The following PSD2 variants were observed in gnomAD, a reference collection of about 807,000 sequenced individuals.
PSD2 encodes PH and SEC7 domain-containing protein 2.
Under a neutral mutation model 69.8 loss-of-function variants are expected in PSD2, and 38 were observed. The ratio of observed to expected loss-of-function variants is 0.54; its 90% CI spans 0.42 to 0.71. PSD2 has a LOEUF of 0.71. Among genes scored for constraint, PSD2 ranks in the 30% least tolerant of loss-of-function variants. The pLI is 0.00. For synonymous variants in PSD2, 412 were observed against 423.0 expected (o/e 0.97, Z 0.32); for missense variants, 943 against 1,014.5 (o/e 0.93, Z 0.96).
chr5:139,815,822 T>C (rs549275172), intron 4 of PSD2, among the ~76,000 whole-genome samples: 7 of 152,076 alleles, frequency 4.6e-5, no homozygotes, highest in African/African-American at 1.7e-4. Flanking sequence ...GGGGAAACCC[T>C]GTCTCTAACA....
chr5:139,794,981 G>A (rs992704565), upstream of PSD2, among the ~76,000 whole-genome samples: 1 of 152,128 alleles, frequency 6.6e-6, no homozygotes, highest in South Asian at 2.1e-4. Flanking sequence ...GGGAGACACC[G>A]TGGGACAGGT....
At chr5:139,836,457 G>T (rs1760720255) in intron 9 of PSD2, among the ~76,000 whole-genome samples, 1 of 152,206 alleles carries the variant, frequency 6.6e-6, no homozygotes, top group Non-Finnish European at 1.5e-5. Flanking sequence ...TTGTGCAGCA[G>T]CTTCAGTCTG....
At chr5:139,827,505 G>A (rs767431832) in intron 7 of PSD2, among the ~76,000 whole-genome samples, 1 of 152,226 alleles carries the variant, frequency 6.6e-6, no homozygotes, top group Non-Finnish European at 1.5e-5. Context: ...CTGCAGGGAA[G>A]TGGTTACTGA....
At chr5:139,822,652 C>G (rs569900993) in intron 6 of PSD2, 74 bp from the exon 7 acceptor site, 1 of 1,382,856 alleles carries the variant, frequency 7.2e-7, no homozygotes, top group East Asian at 2.4e-5. Flanking sequence ...GGTCTCCTGA[C>G]GGGTTCCGTC....
At chr5:139,763,532 A>G in the PSD2 span, among the ~76,000 whole-genome samples, 3 of 152,166 alleles carry the variant, frequency 2.0e-5, no homozygotes, top group Admixed American at 6.5e-5. Context: ...GATGATGACC[A>G]TGGCCTGTGC....
At chr5:139,812,795 C>T (rs1290860352) in intron 2 of PSD2, among the ~76,000 whole-genome samples, 1 of 152,188 alleles carries the variant, frequency 6.6e-6, no homozygotes, top group Non-Finnish European at 1.5e-5. Context: ...ATAAGATGTT[C>T]ACACTGCTTT....
At position 139,842,762 on chromosome 5, in the gene PSD2, C is replaced by G. The variant is rs1169490284; in HGVS notation, c.*288C>G. The G allele has an allele frequency of 5.8e-6, 2 of 344,240 alleles. No homozygotes were observed. Among genetic ancestry groups the G allele is most frequent in the Non-Finnish European group, 1.1e-5 (2 of 187,796 alleles). The allele number at this position is 344,240 out of a possible 1,614,324, so 21.3% of individuals were successfully genotyped here. ...TGTGCATGCTCTAGACACCACCTCG[C>G]TGGAGAAGCTGGAAGGGCTGTTGTC... On this transcript the variant is annotated 3_prime_UTR_variant, in exon 15 of 15. Transcript: ENST00000274710.
chr5:139,838,535 C>G, intron 12 of PSD2, 93 bp from the exon 13 acceptor site: 1 of 1,413,314 alleles, frequency 7.1e-7, no homozygotes, highest in South Asian at 1.3e-5. Flanking sequence ...GGTGCCTTCT[C>G]AGTGCCAGGC....
chr5:139,783,096 C>A, the PSD2 span, among the ~76,000 whole-genome samples: 1 of 152,126 alleles, frequency 6.6e-6, no homozygotes, highest in African/African-American at 2.4e-5. Flanking sequence ...TGGAATCACA[C>A]AGCATTTGTC....
At chr5:139,822,306 G>C (rs1386898503) in intron 6 of PSD2, among the ~76,000 whole-genome samples, 1 of 152,228 alleles carries the variant, frequency 6.6e-6, no homozygotes, top group East Asian at 1.9e-4. Flanking sequence ...GCTGGCTGTT[G>C]GTGTGGTGGG....
In PSD2 at chr5:139,814,119, C is replaced by A; in HGVS notation, c.822-51C>A. The stretch of plus-strand genomic sequence containing the variant: ...GAAACCTCCCAGCCTCCTCTGGGGC[C>A]TTTGACCCTGGGCCTCTGACGCTAC... On this transcript the variant is annotated intron_variant, in intron 3 of 14. Transcript: ENST00000274710. This position sits in a 1 kb window ranked among gnomAD's most constrained non-coding sequence, Gnocchi z 4.4. 3 of 1,586,032 alleles carry A rather than the reference C, an allele frequency of 1.9e-6. No homozygotes were observed. The highest frequency in any genetic ancestry group is 2.6e-6 in the Non-Finnish European group (3 of 1,162,808).
the PSD2 span, among the ~76,000 whole-genome samples, chr5:139,745,545 A>G: frequency 1.3e-5 from 2 of 152,232 alleles, no homozygotes; most frequent in African/African-American, 4.8e-5. Context: ...GCAGTGGGGA[A>G]GGCAGGGTGG....
At position 139,821,984 on chromosome 5, in the gene PSD2, C is replaced by G; in HGVS notation, c.1189C>G (p.Pro397Ala). 1.2e-6 allele frequency: 2 copies of G among 1,607,100 alleles called. No individual in the cohort carries two copies. The highest frequency in any genetic ancestry group is 8.5e-7 in the Non-Finnish European group (1 of 1,175,908). Reference sequence around the variant, plus strand: ...CTCCCGCCGGTACTGCCAGTGCAACCCTGATGACAGCACTTCGGAAGGTAT... The same window carrying G: ...CTCCCGCCGGTACTGCCAGTGCAACGCTGATGACAGCACTTCGGAAGGTAT... ...HFSRRYCQCN[P>A]DDSTSEDGIH... is the part of the protein sequence containing the mutation. Residue 397 changes from proline to alanine, a missense_variant, in exon 6 of 15, where the codon CCT (proline) becomes GCT (alanine). This residue lies in a region of PSD2 where 312 missense variants were observed against 400.7 expected (regional missense o/e 0.78). Transcript: ENST00000274710.
intron 7 of PSD2, among the ~76,000 whole-genome samples, chr5:139,823,218 C>T (rs965871294): frequency 6.6e-6 from 1 of 152,190 alleles, no homozygotes; most frequent in Non-Finnish European, 1.5e-5. Context: ...TGGTCCAGGC[C>T]CCAGGCTGTC....
intron 7 of PSD2, among the ~76,000 whole-genome samples, chr5:139,825,436 A>G (rs1031072590): frequency 2.0e-5 from 3 of 152,182 alleles, no homozygotes. Flanking sequence ...GCTGGTTCAT[A>G]TATCTGGTTG....
chr5:139,751,273 TC>T, the PSD2 span, among the ~76,000 whole-genome samples: 1 of 152,222 alleles, frequency 6.6e-6, no homozygotes, highest in South Asian at 2.1e-4. Flanking sequence ...GTGGCCAGTA[TC>T]CTTGGGATGG....
the PSD2 span, among the ~76,000 whole-genome samples, chr5:139,787,103 G>A: frequency 6.6e-6 from 1 of 152,184 alleles, no homozygotes; most frequent in South Asian, 2.1e-4. Context: ...CTTCCCAAGT[G>A]AGAGAGGCTG....
At chr5:139,830,462 C>T (rs749340905) in intron 7 of PSD2, among the ~76,000 whole-genome samples, 8 of 150,806 alleles carry the variant, frequency 5.3e-5, no homozygotes, top group Non-Finnish European at 1.0e-4. Context: ...GCAATCCTCT[C>T]ACCTCAGTCT....
chr5:139,779,041 G>A, the PSD2 span, among the ~76,000 whole-genome samples: 7 of 150,938 alleles, frequency 4.6e-5, no homozygotes, highest in Non-Finnish European at 8.8e-5. Context: ...CCCAAAAGGT[G>A]CGCTGCATTT....
Sources: gnomAD v4.1 joint callset for allele counts (sites outside exome capture counted in the v4.1 genomes callset) on GRCh38, gnomAD v4.1.1 for gene constraint, gnomAD v4.1.1 regional missense constraint, Gnocchi (gnomAD v3.1) non-coding constraint, MANE v1.5 for transcripts, NCBI Gene and HGNC (gene_info 2026-07-23, HGNC 2026-07-21) for gene names.